The following AK7 variants were observed in gnomAD, a reference collection of about 807,000 sequenced individuals.
AK7 encodes adenylate kinase 7, also known as ATP-AMP transphosphorylase 7.
In AK7, 78 loss-of-function variants were observed where a neutral mutation model predicts 96.6. The observed-to-expected ratio is 0.81, with a 90% CI of 0.67 to 0.97. AK7 has a LOEUF of 0.97. Ranked by LOEUF, AK7 falls within the 50% of genes least tolerant of loss-of-function variation. The pLI is 0.00. For synonymous variants in AK7, 302 were observed against 317.2 expected (o/e 0.95, Z 0.51); for missense variants, 855 against 887.9 (o/e 0.96, Z 0.47).
chr14:96,478,663 G>T lies in AK7; in HGVS notation c.1753+1G>T. On this transcript the variant is annotated splice_donor_variant, in intron 15 of 17. Coordinates refer to ENST00000267584, the MANE Select transcript of AK7 (RefSeq NM_152327.5). LOFTEE classifies it high-confidence loss of function. ...CTTGAAATTCACCCGATACATATTG[G>T]TATGAAATGAATTCAAGGATAATGT... is the stretch of plus-strand genomic sequence containing the variant. 6.2e-7 allele frequency: 1 copy of T among 1,613,288 alleles called. No homozygotes were observed. The highest frequency in any genetic ancestry group is 8.5e-7 in the Non-Finnish European group (1 of 1,179,482).
chr14:96,464,642 T>A (rs1339675120), intron 12 of AK7, among the ~76,000 whole-genome samples: 1 of 152,162 alleles, frequency 6.6e-6, no homozygotes, highest in Non-Finnish European at 1.5e-5. Context: ...TAGTATTGTT[T>A]CTTATGTTAC....
intron 17 of AK7, 108 bp from the exon 18 acceptor site, chr14:96,488,197 G>A: frequency 9.6e-7 from 1 of 1,046,628 alleles, no homozygotes; most frequent in Non-Finnish European, 1.4e-6. Flanking sequence ...ACAGGCATGA[G>A]CCACCAAGCT....
Position 96,488,564 on chromosome 14 carries a change from A to G in AK7, c.*221A>G, listed in dbSNP as rs577074139. ...TGATAAAGACATTTGTGCATAGCTC[A>G]TGAGACAAATACTGATTTAATATTT... On this transcript the variant is annotated 3_prime_UTR_variant, in exon 18 of 18. Transcript: ENST00000267584. 2 of 461,242 alleles carry G rather than the reference A, an allele frequency of 4.3e-6. No individual in the cohort carries two copies. Among genetic ancestry groups the G allele is most frequent in the South Asian group, 3.5e-5 (1 of 28,756 alleles). The allele number at this position is 461,242 out of a possible 1,614,324, so 28.6% of individuals were successfully genotyped here. A position where few individuals can be genotyped will look rare whatever the true frequency, so the allele number is the denominator to read the frequency against.
chr14:96,463,950 G>A (rs1302007863), intron 12 of AK7, among the ~76,000 whole-genome samples: 1 of 152,110 alleles, frequency 6.6e-6, no homozygotes, highest in Non-Finnish European at 1.5e-5. Flanking sequence ...CTGCATGACA[G>A]TCACTGAGAA....
intron 3 of AK7, among the ~76,000 whole-genome samples, chr14:96,407,840 C>G (rs1263211063): frequency 2.6e-5 from 4 of 152,058 alleles, no homozygotes; most frequent in African/African-American, 9.7e-5. Context: ...CTCGGCCTCC[C>G]AAAGTGCTGG....
intron 14 of AK7, among the ~76,000 whole-genome samples, chr14:96,473,170 TA>T (rs1308192900): frequency 3.0e-5 from 4 of 135,528 alleles, no homozygotes; most frequent in East Asian, 2.0e-4. Context: ...CATGCCCAGC[TA>T]ATTTTTTTTT....
chr14:96,468,044 C>T (rs1304455964), intron 12 of AK7, among the ~76,000 whole-genome samples: 1 of 137,998 alleles, frequency 7.2e-6, no homozygotes, highest in African/African-American at 2.7e-5. Flanking sequence ...TGAGACCAGC[C>T]TGGGTGGCAT....
intron 5 of AK7, chr14:96,421,654 G>A (rs1197127961): frequency 6.7e-6 from 1 of 149,160 alleles, no homozygotes; most frequent in Non-Finnish European, 1.5e-5. Context: ...CACCCAGGCT[G>A]GAGTGCAGTG....
chr14:96,395,800 ATTTTTTTTT>A (rs1172936912), intron 1 of AK7, among the ~76,000 whole-genome samples: 44 of 69,032 alleles, frequency 6.4e-4, no homozygotes, highest in African/African-American at 2.3e-3. Context: ...TTGATTTTGA[ATTTTTTTTT>A]TTTTTTTTTT....
chr14:96,403,039 C>T (rs550956386), intron 2 of AK7, among the ~76,000 whole-genome samples: 278 of 151,910 alleles, frequency 1.8e-3, no homozygotes, highest in Non-Finnish European at 2.9e-3. Context: ...TTGCTTGAAT[C>T]TGGGAGGTGG....
chr14:96,478,783 A>C, intron 15 of AK7, 121 bp downstream of exon 15: 1 of 972,564 alleles, frequency 1.0e-6, no homozygotes. Context: ...GTTGGGGCAC[A>C]GGAAGCCATG....
chr14:96,451,673 A>C (rs1179217322), intron 10 of AK7, 103 bp downstream of exon 10: 1 of 1,197,278 alleles, frequency 8.4e-7, no homozygotes, highest in East Asian at 3.0e-5. Flanking sequence ...CAGACGTTCA[A>C]ATTTCTAATT....
intron 10 of AK7, among the ~76,000 whole-genome samples, chr14:96,454,406 A>G (rs1893773406): frequency 6.6e-6 from 1 of 151,980 alleles, no homozygotes; most frequent in South Asian, 2.1e-4. Context: ...GGGCTTCTTT[A>G]GCATTCAATC....
At chr14:96,454,173 T>C (rs985959800) in intron 10 of AK7, among the ~76,000 whole-genome samples, 11 of 152,180 alleles carry the variant, frequency 7.2e-5, no homozygotes, top group Non-Finnish European at 1.6e-4. Context: ...ATGGTAGTAA[T>C]GATATTAACC....
At chr14:96,471,333 T>TAA (rs35566282) in intron 12 of AK7, 145 bp from the exon 13 acceptor site, 663 of 185,842 alleles carry the variant, frequency 3.6e-3, no homozygotes, top group South Asian at 4.8e-3. Flanking sequence ...CCCGTCTCTT[T>TAA]AAAAAAAAAA....
intron 2 of AK7, among the ~76,000 whole-genome samples, chr14:96,401,429 T>C (rs1477649001): frequency 6.6e-6 from 1 of 152,064 alleles, no homozygotes; most frequent in Non-Finnish European, 1.5e-5. Flanking sequence ...AAGGTTGGGA[T>C]CTACTGGAGA....
chr14:96,475,732 G>A (rs1011228437), intron 14 of AK7, among the ~76,000 whole-genome samples: 2 of 152,178 alleles, frequency 1.3e-5, no homozygotes, highest in South Asian at 4.1e-4. Context: ...AGCACTTGGG[G>A]AGGCTAAGGC....
At chr14:96,443,850 C>T (rs559440988) in intron 7 of AK7, among the ~76,000 whole-genome samples, 10 of 150,034 alleles carry the variant, frequency 6.7e-5, no homozygotes, top group Admixed American at 3.3e-4. Context: ...CTCGGTTCAC[C>T]GCAAGCTCTA....
chr14:96,401,388 G>C (rs1433386217), intron 2 of AK7, among the ~76,000 whole-genome samples: 1 of 152,182 alleles, frequency 6.6e-6, no homozygotes, highest in Non-Finnish European at 1.5e-5. Flanking sequence ...GCCTCCATTA[G>C]CACAAAGTCC....
Sources: allele counts gnomAD v4.1 joint callset (sites outside exome capture counted in the v4.1 genomes callset), GRCh38; gene constraint gnomAD v4.1.1; transcripts MANE v1.5; gene names NCBI Gene and HGNC (gene_info 2026-07-23, HGNC 2026-07-21).